The following GRIA1 variants were observed in gnomAD, a reference collection of about 807,000 sequenced individuals.
GRIA1 encodes the protein glutamate receptor 1.
In GRIA1, 31 loss-of-function variants were observed where a neutral mutation model predicts 99.2. That is an observed-to-expected ratio of 0.31 (90% confidence interval 0.23 to 0.42). The LOEUF is 0.42. Ranked by LOEUF, GRIA1 falls within the 10% of genes least tolerant of loss-of-function variation. The pLI, the probability that GRIA1 is intolerant of heterozygous loss-of-function variation, is 1.00. For missense variants in GRIA1, 782 were observed against 1,157.5 expected, an observed-to-expected ratio of 0.68 and a Z score of 4.71; for synonymous variants, 438 against 432.4, an observed-to-expected ratio of 1.01 and a Z score of -0.16.
At chr5:153,528,316 G>A (rs1757795741) in intron 2 of GRIA1, among the ~76,000 whole-genome samples, 2 of 152,102 alleles carry the variant, frequency 1.3e-5, no homozygotes, top group South Asian at 4.2e-4. Context: ...CAACATTTGG[G>A]ATTATGGTGT....
intron 15 of GRIA1, 120 bp from the exon 16 acceptor site, chr5:153,810,905 T>C (rs1766768025): frequency 5.5e-6 from 4 of 730,582 alleles, no homozygotes; most frequent in Non-Finnish European, 7.4e-6. Flanking sequence ...CGTTGTAGAA[T>C]AGGAAAGGGG....
intron 14 of GRIA1, among the ~76,000 whole-genome samples, chr5:153,801,155 A>G (rs1456957878): frequency 6.6e-6 from 1 of 152,248 alleles, no homozygotes; most frequent in Non-Finnish European, 1.5e-5. Flanking sequence ...TTCCTGAGCC[A>G]TTACCTCTCA....
chr5:153,736,061 A>C (rs1761358522), intron 11 of GRIA1, among the ~76,000 whole-genome samples: 1 of 152,180 alleles, frequency 6.6e-6, no homozygotes, highest in African/African-American at 2.4e-5. Flanking sequence ...CATGGGACTG[A>C]ATAAGATTAC....
intron 15 of GRIA1, among the ~76,000 whole-genome samples, chr5:153,808,606 A>G (rs1396229139): frequency 6.6e-6 from 1 of 152,214 alleles, no homozygotes; most frequent in Admixed American, 6.5e-5. Flanking sequence ...ACACCACACC[A>G]GCATCTCTAG....
intron 2 of GRIA1, among the ~76,000 whole-genome samples, chr5:153,533,747 A>T (rs761586862): frequency 4.6e-5 from 7 of 152,310 alleles, no homozygotes; most frequent in Non-Finnish European, 1.0e-4. Context: ...AGAAGGCAAG[A>T]GATATTTGGC....
chr5:153,681,325 C>G (rs114387228), intron 7 of GRIA1, among the ~76,000 whole-genome samples: 3,036 of 152,290 alleles, frequency 0.02, 37 homozygotes, highest in Non-Finnish European at 0.029. Flanking sequence ...GGCACCACCT[C>G]CAACGTCCAG....
chr5:153,762,653 G>A (rs1471491876), intron 11 of GRIA1, among the ~76,000 whole-genome samples: 1 of 152,134 alleles, frequency 6.6e-6, no homozygotes, highest in East Asian at 1.9e-4. Flanking sequence ...CTAACCCCAT[G>A]TGAACCTTGA....
chr5:153,578,603 C>CTACT (rs1762778146), intron 2 of GRIA1, among the ~76,000 whole-genome samples: 1 of 152,178 alleles, frequency 6.6e-6, no homozygotes, highest in South Asian at 2.1e-4. Flanking sequence ...GTGGTCTCAT[C>CTACT]TGTTTTAAGA....
At chr5:153,697,402 A>G (rs986307510) in intron 8 of GRIA1, among the ~76,000 whole-genome samples, 3 of 152,226 alleles carry the variant, frequency 2.0e-5, no homozygotes, top group African/African-American at 7.2e-5. Context: ...TATTTCTTGA[A>G]AGACCTTGGA....
intron 11 of GRIA1, among the ~76,000 whole-genome samples, chr5:153,719,363 T>G (rs1759888857): frequency 6.6e-6 from 1 of 151,974 alleles, no homozygotes. Context: ...GTCAGGAAAT[T>G]TGGAAAGGGG....
At chr5:153,660,354 GC>G (rs1283376559) in intron 5 of GRIA1, among the ~76,000 whole-genome samples, 1 of 152,098 alleles carries the variant, frequency 6.6e-6, no homozygotes, top group Non-Finnish European at 1.5e-5. Context: ...CTTCCCAATA[GC>G]CCTTGAGGTT....
At chr5:153,749,998 C>A (rs1045502982) in intron 11 of GRIA1, among the ~76,000 whole-genome samples, 1 of 152,144 alleles carries the variant, frequency 6.6e-6, no homozygotes, top group Admixed American at 6.5e-5. Flanking sequence ...GTCCAGGGCC[C>A]TCCCCCATCT....
chr5:153,592,617 T>G (rs1004881498), intron 2 of GRIA1, among the ~76,000 whole-genome samples: 6 of 152,222 alleles, frequency 3.9e-5, no homozygotes, highest in African/African-American at 1.4e-4. Context: ...CCTCCTCCCT[T>G]TCTATCTTGG....
At chr5:153,582,063 T>C (rs1298758680) in intron 2 of GRIA1, among the ~76,000 whole-genome samples, 3 of 152,208 alleles carry the variant, frequency 2.0e-5, no homozygotes, top group Admixed American at 1.3e-4. Flanking sequence ...CAGCCTGAGA[T>C]CCTTTCTTTC....
chr5:153,689,372 G>GA (rs371392262), intron 8 of GRIA1, among the ~76,000 whole-genome samples: 1 of 152,200 alleles, frequency 6.6e-6, no homozygotes, highest in Non-Finnish European at 1.5e-5. Flanking sequence ...TGCTCTCAGG[G>GA]AAAAAAGAAT....
At chr5:153,630,806 G>A (rs575041295) in intron 2 of GRIA1, among the ~76,000 whole-genome samples, 23 of 152,212 alleles carry the variant, frequency 1.5e-4, no homozygotes, top group Non-Finnish European at 2.6e-4. Context: ...TGTAGGCTAT[G>A]TAGCAGCATG....
At chr5:153,696,253 A>T (rs904297787) in intron 8 of GRIA1, among the ~76,000 whole-genome samples, 8 of 152,214 alleles carry the variant, frequency 5.3e-5, no homozygotes, top group African/African-American at 1.9e-4. Context: ...TGTGAGGATG[A>T]AAGGAGTTAA....
chr5:153,701,915 C>A (rs149414145), intron 10 of GRIA1, among the ~76,000 whole-genome samples: 2 of 152,162 alleles, frequency 1.3e-5, no homozygotes, highest in Non-Finnish European at 2.9e-5. Context: ...CACATTTCAT[C>A]GTGTAGCGTG....
At chr5:153,606,383 A>C (rs1167290473) in intron 2 of GRIA1, among the ~76,000 whole-genome samples, 2 of 152,128 alleles carry the variant, frequency 1.3e-5, no homozygotes, top group Admixed American at 1.3e-4. Flanking sequence ...GGCTATTATT[A>C]GACCTTTACA....
Sources: gnomAD v4.1 joint callset for allele counts (sites outside exome capture counted in the v4.1 genomes callset) on GRCh38, gnomAD v4.1.1 for gene constraint, MANE v1.5 for transcripts, NCBI Gene and HGNC (gene_info 2026-07-23, HGNC 2026-07-21) for gene names.